The following SLC25A13 variants were observed in gnomAD, a reference collection of about 807,000 sequenced individuals.
SLC25A13 encodes electrogenic aspartate/glutamate antiporter SLC25A13, mitochondrial.
A neutral mutation model predicts 85.5 loss-of-function variants in SLC25A13; 70 were observed. The observed-to-expected ratio is 0.82, with a 90% confidence interval of 0.68 to 1.00. The LOEUF is 1.00. Ranked by LOEUF, SLC25A13 falls within the 50% of genes least tolerant of loss-of-function variation. The probability of loss-of-function intolerance (pLI) is 0.00; values close to 1 mark genes in which losing one functional copy is unlikely to be tolerated. For synonymous variants in SLC25A13, 259 were observed against 288.7 expected, an observed-to-expected ratio of 0.90 and a Z score of 1.04; for missense variants, 765 against 819.8, an observed-to-expected ratio of 0.93 and a Z score of 0.82.
At chr7:96,221,019 T>C (rs1218527086) in intron 4 of SLC25A13, among the ~76,000 whole-genome samples, 1 of 152,192 alleles carries the variant, frequency 6.6e-6, no homozygotes, top group African/African-American at 2.4e-5. Context: ...AGTGATGAAG[T>C]AGCAAAAAGT....
chr7:96,202,003 C>T (rs1474319224), intron 5 of SLC25A13, among the ~76,000 whole-genome samples: 1 of 152,126 alleles, frequency 6.6e-6, no homozygotes, highest in East Asian at 1.9e-4. Flanking sequence ...TAGAGTTCTA[C>T]TCTCTAGGGC....
chr7:96,244,141 G>T (rs989393773), intron 3 of SLC25A13, among the ~76,000 whole-genome samples: 4 of 152,040 alleles, frequency 2.6e-5, no homozygotes, highest in Admixed American at 1.3e-4. Context: ...GGGTCTGGGG[G>T]GGTCCTGTCC....
At chr7:96,201,297 G>T (rs1227167051) in intron 5 of SLC25A13, among the ~76,000 whole-genome samples, 1 of 151,996 alleles carries the variant, frequency 6.6e-6, no homozygotes, top group Non-Finnish European at 1.5e-5. Flanking sequence ...ATTGCTTGAG[G>T]TCAGGAGTTC....
At chr7:96,178,940 C>T (rs964188550) in intron 11 of SLC25A13, among the ~76,000 whole-genome samples, 5 of 152,204 alleles carry the variant, frequency 3.3e-5, no homozygotes, top group African/African-American at 1.2e-4. Flanking sequence ...TACAGTGGAG[C>T]TGGGGAAATA....
intron 14 of SLC25A13, among the ~76,000 whole-genome samples, chr7:96,138,504 T>TC (rs944571933): frequency 6.6e-6 from 1 of 151,920 alleles, no homozygotes; most frequent in African/African-American, 2.4e-5. Context: ...CAAGTGCTCT[T>TC]CCCCCCTCAG....
At chr7:96,321,790 C>G (rs570813553) in intron 1 of SLC25A13, 152 bp downstream of exon 1, 1 of 1,006,398 alleles carries the variant, frequency 9.9e-7, no homozygotes, top group Non-Finnish European at 1.4e-6. Flanking sequence ...GGAGTGGCCC[C>G]CTCCCTCCAG....
rs1363907344 is a variant in SLC25A13 at position 96,175,951 on chromosome 7, G to A, written c.1178-4427C>T. Among the ~76,000 whole-genome samples, 4 of 152,182 alleles carry A rather than the reference G, an allele frequency of 2.6e-5. No individual in the cohort carries two copies. The East Asian group carries it at 7.7e-4, about 29-fold the overall frequency. Reference sequence around the variant, plus strand: ...TGTTGATAAGAACCATTCTTGTAGTGACTACCTTGTCTGGTTAAACAGGAA... The same window carrying A: ...TGTTGATAAGAACCATTCTTGTAGTAACTACCTTGTCTGGTTAAACAGGAA... On this transcript the variant is annotated intron_variant, in intron 11 of 17. Transcript: ENST00000265631.
intron 1 of SLC25A13, among the ~76,000 whole-genome samples, chr7:96,307,786 A>G (rs13245850): frequency 0.16 from 23,599 of 152,168 alleles, 2,169 homozygotes; most frequent in East Asian, 0.23. Flanking sequence ...CTCTTCCTCC[A>G]GGATTCTCCA....
intron 1 of SLC25A13, among the ~76,000 whole-genome samples, chr7:96,312,809 G>T (rs1799996335): frequency 6.6e-6 from 1 of 152,188 alleles, no homozygotes; most frequent in African/African-American, 2.4e-5. Flanking sequence ...AAGGGGATCA[G>T]TGGGAGCTAC....
intron 3 of SLC25A13, among the ~76,000 whole-genome samples, chr7:96,252,775 G>A (rs1797482234): frequency 6.6e-6 from 1 of 152,108 alleles, no homozygotes. Context: ...AGCAGCAGAG[G>A]AAACTTGGGG....
At chr7:96,211,323 T>C (rs979336698) in intron 4 of SLC25A13, among the ~76,000 whole-genome samples, 9 of 152,296 alleles carry the variant, frequency 5.9e-5, no homozygotes, top group East Asian at 1.9e-4. Flanking sequence ...CTCTGCAGGA[T>C]AGAGCTATAC....
In SLC25A13 at chr7:96,142,175, G is replaced by A. The variant is rs1365069387; in HGVS notation, c.1452+4381C>T. Among the ~76,000 whole-genome samples the A allele has an allele frequency of 2.6e-5, 4 of 152,274 alleles. No individual in the cohort carries two copies. The South Asian group carries it at 8.3e-4, about 32-fold the overall frequency. On this transcript the variant is annotated intron_variant, in intron 14 of 17. Coordinates refer to ENST00000265631, the MANE Select transcript of SLC25A13 (RefSeq NM_014251.3). Reference sequence around the variant, plus strand: ...GGTACACATACAGGTTTGTTACAAGGATATATTGCATGATGCTGAGGCTTG... The same window carrying A: ...GGTACACATACAGGTTTGTTACAAGAATATATTGCATGATGCTGAGGCTTG...
At position 96,208,937 on chromosome 7, in the gene SLC25A13, T is replaced by G. The variant is rs149862016; in HGVS notation, c.369A>C (p.Gln123His). ...CTGAATCCCAGTTAAATGGAATATG[T>G]TGATGAATTGTGGTCTGTCCAAAAA... ...KQVFGQTTIH[Q>H]HIPFNWDSEF... Residue 123 changes from glutamine to histidine, a missense_variant, in exon 5 of 18, where the codon CAA (glutamine) becomes CAC (histidine). Gln to His is a conservative substitution (Grantham distance 24, BLOSUM62 0). Transcript: ENST00000265631. 5.6e-6 allele frequency: 9 copies of G among 1,614,046 alleles called. No homozygotes were observed. In the African/African-American group the frequency reaches 1.1e-4, roughly 19 times the overall value.
At chr7:96,136,666 C>T (rs1322540674) in intron 14 of SLC25A13, among the ~76,000 whole-genome samples, 1 of 152,152 alleles carries the variant, frequency 6.6e-6, no homozygotes, top group Non-Finnish European at 1.5e-5. Flanking sequence ...TTTTTGCATG[C>T]TAATTCCTGC....
intron 13 of SLC25A13, among the ~76,000 whole-genome samples, chr7:96,169,164 T>A (rs984893658): frequency 2.0e-5 from 3 of 152,116 alleles, no homozygotes; most frequent in Admixed American, 6.5e-5. Context: ...CATTCACCAT[T>A]AGATAGGACA....
chr7:96,283,696 GA>G, intron 2 of SLC25A13: 1 of 285,286 alleles, frequency 3.5e-6, no homozygotes, highest in Non-Finnish European at 6.8e-6. Context: ...AAAATGATCA[GA>G]AAAAGAAGGT....
At chr7:96,172,899 T>TAGGC (rs1554345767) in intron 11 of SLC25A13, among the ~76,000 whole-genome samples, 6 of 151,960 alleles carry the variant, frequency 3.9e-5, no homozygotes, top group African/African-American at 1.4e-4. Context: ...GCTGGGACTA[T>TAGGC]AGGCGCCTGC....
At chr7:96,284,755 T>C (rs1259190551) in intron 2 of SLC25A13, among the ~76,000 whole-genome samples, 2 of 152,204 alleles carry the variant, frequency 1.3e-5, no homozygotes, top group African/African-American at 4.8e-5. Flanking sequence ...CTCTTGCCTG[T>C]CACAATATAA....
At chr7:96,141,134 T>C (rs973179105) in intron 14 of SLC25A13, among the ~76,000 whole-genome samples, 4 of 151,546 alleles carry the variant, frequency 2.6e-5, no homozygotes, top group Admixed American at 2.0e-4. Flanking sequence ...GTGATTCTCC[T>C]GCCTCAGCCT....
Sources: gnomAD v4.1 joint callset for allele counts (sites outside exome capture counted in the v4.1 genomes callset) on GRCh38, gnomAD v4.1.1 for gene constraint, MANE v1.5 for transcripts, NCBI Gene and HGNC (gene_info 2026-07-23, HGNC 2026-07-21) for gene names.